FAM76B: variants seen among roughly 807,000 people sequenced by gnomAD.
FAM76B encodes the protein family with sequence similarity 76 member B, also known as protein FAM76B.
Under a neutral mutation model 51.8 loss-of-function variants are expected in FAM76B, and 16 were observed. That is an observed-to-expected ratio of 0.31 (90% CI 0.21 to 0.47). The LOEUF is 0.47. Ranked by LOEUF, FAM76B falls within the 20% of genes least tolerant of loss-of-function variation. The pLI is 1.00. For missense variants in FAM76B, 342 were observed against 392.6 expected, an observed-to-expected ratio of 0.87 and a Z score of 1.09; for synonymous variants, 166 against 129.5, an observed-to-expected ratio of 1.28 and a Z score of -1.91.
chr11:95,788,708 T>C (rs1285683904), intron 1 of FAM76B, 145 bp from the exon 2 acceptor site: 12 of 1,214,502 alleles, frequency 9.9e-6, no homozygotes, highest in African/African-American at 3.1e-5. Flanking sequence ...TGCTTTATCA[T>C]ATAAGTGGCC....
At chr11:95,787,731 A>T (rs1591027981) in intron 2 of FAM76B, 53 bp from the exon 3 acceptor site, 1 of 1,410,990 alleles carries the variant, frequency 7.1e-7, no homozygotes, top group East Asian at 2.4e-5. Flanking sequence ...TAAAGTAATT[A>T]GCACAATGTC....
chr11:95,771,249 A>AC lies in FAM76B; in HGVS notation c.*311dup, dbSNP rs1050878199. ...TGCTCTGACTTCTGAAACCATACCTACTCTATTATTGCATGTTGCGTTTCA... is the reference window on the plus strand; with the variant it reads ...TGCTCTGACTTCTGAAACCATACCTACCTCTATTATTGCATGTTGCGTTTCA... On this transcript the variant is annotated 3_prime_UTR_variant, in exon 10 of 10. Transcript: ENST00000358780. The AC allele has an allele frequency of 6.0e-6, 1 of 167,752 alleles. No homozygotes were observed. The highest frequency in any genetic ancestry group is 1.3e-5 in the Non-Finnish European group (1 of 77,860). The allele number at this position is 167,752 out of a possible 1,614,324, so 10.4% of individuals were successfully genotyped here.
At chr11:95,787,793 C>G in intron 2 of FAM76B, 115 bp from the exon 3 acceptor site, 2 of 812,920 alleles carry the variant, frequency 2.5e-6, no homozygotes, top group Non-Finnish European at 3.8e-6. Flanking sequence ...ATAAGGACCA[C>G]GGATTTTTTT....
chr11:95,787,729 TTAGCAC>T, intron 2 of FAM76B, 51 bp from the exon 3 acceptor site: 1 of 1,423,366 alleles, frequency 7.0e-7, no homozygotes, highest in Non-Finnish European at 9.7e-7. Flanking sequence ...TCTAAAGTAA[TTAGCAC>T]AATGTCAAAA....
chr11:95,781,210 T>G (rs913903155), intron 5 of FAM76B, among the ~76,000 whole-genome samples: 1 of 152,068 alleles, frequency 6.6e-6, no homozygotes, highest in African/African-American at 2.4e-5. Flanking sequence ...AATTCCCATC[T>G]TATCTTTCTG....
intron 8 of FAM76B, among the ~76,000 whole-genome samples, 200 bp from the exon 9 acceptor site, chr11:95,776,223 T>C (rs1016306445): frequency 6.6e-6 from 1 of 151,488 alleles, no homozygotes; most frequent in African/African-American, 2.4e-5. Context: ...ATAATTTTAA[T>C]GTTAATACCT....
intron 2 of FAM76B, 112 bp from the exon 3 acceptor site, chr11:95,787,790 C>T (rs1282467522): frequency 1.2e-6 from 1 of 852,780 alleles, no homozygotes; most frequent in African/African-American, 1.7e-5. Flanking sequence ...TTAATAAGGA[C>T]CACGGATTTT....
intron 1 of FAM76B, chr11:95,788,956 GGAA>G: frequency 2.2e-6 from 3 of 1,348,398 alleles, no homozygotes; most frequent in Non-Finnish European, 2.9e-6. Flanking sequence ...TCCTGGACAG[GGAA>G]GAAGGATGCC....
intron 9 of FAM76B, among the ~76,000 whole-genome samples, chr11:95,772,485 G>C (rs1194199123): frequency 6.6e-6 from 1 of 150,702 alleles, no homozygotes; most frequent in Non-Finnish European, 1.5e-5. Context: ...TGAAAACTTA[G>C]ATAGTAAGGA....
Position 95,775,991 on chromosome 11 carries a change from T to G in FAM76B, c.861A>C (p.Gln287His), listed in dbSNP as rs745629459. 1 of 1,590,536 alleles carries G rather than the reference T, an allele frequency of 6.3e-7. No individual in the cohort carries two copies. Among genetic ancestry groups the G allele is most frequent in the South Asian group, 1.1e-5 (1 of 87,774 alleles). The change falls in exon 9 of 10, where the codon CAA becomes CAC. Residue 287 changes from glutamine (Q) to histidine (H), a missense_variant. Gln to His is a conservative substitution (Grantham distance 24). Transcript: ENST00000358780. ...LTELKADFQYQESNLRTKMNS... is the reference protein window; with the variant it reads ...LTELKADFQYHESNLRTKMNS... The stretch of plus-strand genomic sequence containing the variant: ...TCATTTTTGTTCTCAAATTTGACTC[T>G]TGGTACTGAAAGTCTGCCTTTAGTT...
chr11:95,789,764 G>C lies in FAM76B; in HGVS notation c.-286C>G. The C allele has an allele frequency of 2.6e-6, 1 of 388,946 alleles. No homozygotes were observed. The allele number at this position is 388,946 out of a possible 1,614,324, so 24.1% of individuals were successfully genotyped here. ...GAAGCGGGTAGGGGGTTGCTGTTTA[G>C]CTGTGCGGCCGTGGATCCGCTTCCT... is the stretch of plus-strand genomic sequence containing the variant. On this transcript the variant is annotated 5_prime_UTR_variant, in exon 1 of 10. Transcript: ENST00000358780.
At chr11:95,773,534 G>A (rs1859863896) in intron 9 of FAM76B, among the ~76,000 whole-genome samples, 1 of 149,882 alleles carries the variant, frequency 6.7e-6, no homozygotes, top group Non-Finnish European at 1.5e-5. Context: ...AGACATGTTG[G>A]TGCAAAGGAA....
chr11:95,780,658 T>C (rs570679960), intron 5 of FAM76B, among the ~76,000 whole-genome samples: 2 of 152,092 alleles, frequency 1.3e-5, no homozygotes, highest in African/African-American at 2.4e-5. Context: ...GCTTATTCAC[T>C]CAGCATGTAG....
intron 1 of FAM76B, 114 bp downstream of exon 1, chr11:95,789,278 G>A: frequency 5.8e-6 from 7 of 1,205,058 alleles, no homozygotes; most frequent in South Asian, 2.6e-5. Flanking sequence ...GAGGGCTCCA[G>A]ACTCCCAAAC....
Position 95,769,890 on chromosome 11 carries a change from G to A in FAM76B, c.*1671C>T, listed in dbSNP as rs183216892. On this transcript the variant is annotated 3_prime_UTR_variant, in exon 10 of 10. Transcript: ENST00000358780. ...ATATTATGCTTTCAAAATGGACAAA[G>A]AATTATTTGGTATTCACTTTATAAT... is the stretch of plus-strand genomic sequence containing the variant. The A allele has an allele frequency of 2.6e-4, 40 of 151,456 alleles. No individual in the cohort carries two copies. Among genetic ancestry groups the A allele is most frequent in the African/African-American group, 9.4e-4 (39 of 41,444 alleles). 9.4% of individuals were successfully genotyped at this position (151,456 alleles called of 1,614,324 possible).
At chr11:95,776,404 T>C (rs1217274502) in intron 8 of FAM76B, among the ~76,000 whole-genome samples, 1 of 151,512 alleles carries the variant, frequency 6.6e-6, no homozygotes, top group Admixed American at 6.6e-5. Context: ...ACATTTAAAC[T>C]AGCTTATGCG....
chr11:95,785,328 G>A (rs1313936607), intron 4 of FAM76B, among the ~76,000 whole-genome samples: 5 of 152,160 alleles, frequency 3.3e-5, no homozygotes, highest in Non-Finnish European at 5.9e-5. Context: ...GGGTACTACC[G>A]TATTCACTGT....
chr11:95,788,964 G>A (rs1008491697), intron 1 of FAM76B: 3 of 1,349,212 alleles, frequency 2.2e-6, no homozygotes, highest in Non-Finnish European at 2.9e-6. Context: ...AGGGAAGAAG[G>A]ATGCCATCAG....
intron 2 of FAM76B, among the ~76,000 whole-genome samples, chr11:95,788,263 A>G (rs1340382735): frequency 1.3e-5 from 2 of 152,174 alleles, no homozygotes; most frequent in Admixed American, 1.3e-4. Flanking sequence ...AAGGCTGTAC[A>G]TTTTCCATGT....
Sources: allele counts gnomAD v4.1 joint callset (sites outside exome capture counted in the v4.1 genomes callset), GRCh38; gene constraint gnomAD v4.1.1; transcripts MANE v1.5; gene names NCBI Gene and HGNC (gene_info 2026-07-23, HGNC 2026-07-21).